GRM7: variants seen among roughly 807,000 people sequenced by gnomAD.
GRM7 encodes the protein glutamate metabotropic receptor 7.
In GRM7, 35 loss-of-function variants were observed where a neutral mutation model predicts 84.5. The observed-to-expected ratio is 0.41, with a 90% CI of 0.32 to 0.55. GRM7 has a LOEUF of 0.55. GRM7 is among the 20% of genes least tolerant of loss of function. The pLI is 0.19. For synonymous variants in GRM7, 487 were observed against 455.1 expected, an observed-to-expected ratio of 1.07 and a Z score of -0.89; for missense variants, 1,003 against 1,194.6, an observed-to-expected ratio of 0.84 and a Z score of 2.36.
chr3:7,575,460 T>C (rs1232697033), intron 7 of GRM7, among the ~76,000 whole-genome samples: 1 of 152,210 alleles, frequency 6.6e-6, no homozygotes. Flanking sequence ...TTAGATTTGA[T>C]TTTTCATAGC....
intron 2 of GRM7, among the ~76,000 whole-genome samples, chr3:7,214,648 G>A (rs773963143): frequency 3.0e-4 from 45 of 152,268 alleles, no homozygotes; most frequent in South Asian, 1.0e-3. Context: ...CTGAACAAAT[G>A]TTTGTTTTAT....
intron 8 of GRM7, among the ~76,000 whole-genome samples, chr3:7,664,974 ATATTATT>A (rs1272141821): frequency 6.6e-6 from 1 of 152,060 alleles, no homozygotes; most frequent in Non-Finnish European, 1.5e-5. Flanking sequence ...TTTAATTTGT[ATATTATT>A]TATTTTTCAT....
At chr3:7,184,975 CTGAG>C (rs1695465937) in intron 2 of GRM7, among the ~76,000 whole-genome samples, 1 of 152,060 alleles carries the variant, frequency 6.6e-6, no homozygotes, top group South Asian at 2.1e-4. Context: ...AGCCACCATG[CTGAG>C]TATTTTTACA....
At position 7,321,682 on chromosome 3, in the gene GRM7, C is replaced by G. The variant is rs936985040; in HGVS notation, c.1033+15030C>G. ...CACTCTGACACTGATATTTGGAGCA[C>G]TAATTTATTCTAACCTCAGGGAATT... On this transcript the variant is annotated intron_variant, in intron 4 of 9. Transcript: ENST00000357716. Among the ~76,000 whole-genome samples the G allele has an allele frequency of 2.0e-5, 3 of 151,614 alleles. No homozygotes were observed. In the South Asian group the frequency reaches 6.2e-4, roughly 31 times the overall value.
At chr3:6,950,597 A>T (rs1338579146) in intron 1 of GRM7, among the ~76,000 whole-genome samples, 1 of 152,214 alleles carries the variant, frequency 6.6e-6, no homozygotes, top group East Asian at 1.9e-4. Context: ...AGACAGGGAC[A>T]TTTAAGTCTG....
At chr3:6,956,205 G>A (rs1478111330) in intron 1 of GRM7, among the ~76,000 whole-genome samples, 5 of 152,178 alleles carry the variant, frequency 3.3e-5, no homozygotes, top group African/African-American at 1.2e-4. Flanking sequence ...GAGTTTTGCC[G>A]TATGGGCCAA....
At chr3:7,344,571 A>G (rs1234039837) in intron 4 of GRM7, among the ~76,000 whole-genome samples, 1 of 152,316 alleles carries the variant, frequency 6.6e-6, no homozygotes, top group African/African-American at 2.4e-5. Flanking sequence ...GCCTATGCAG[A>G]TAATTTGCCC....
chr3:7,674,819 G>A (rs938197657), intron 8 of GRM7, among the ~76,000 whole-genome samples: 4 of 152,142 alleles, frequency 2.6e-5, no homozygotes, highest in Non-Finnish European at 5.9e-5. Context: ...TAAAAATGGC[G>A]AACTTAGTGT....
chr3:7,425,170 A>G (rs1457605255), intron 5 of GRM7, among the ~76,000 whole-genome samples: 3 of 152,186 alleles, frequency 2.0e-5, no homozygotes, highest in Non-Finnish European at 2.9e-5. Context: ...TCGTAGTAGA[A>G]CATGTTTGAT....
At chr3:7,585,140 G>T (rs1695462061) in intron 8 of GRM7, among the ~76,000 whole-genome samples, 1 of 152,196 alleles carries the variant, frequency 6.6e-6, no homozygotes, top group Non-Finnish European at 1.5e-5. Context: ...GATGCCATTT[G>T]TGCACTCATG....
At chr3:7,505,838 A>T (rs949397641) in intron 7 of GRM7, among the ~76,000 whole-genome samples, 1 of 152,066 alleles carries the variant, frequency 6.6e-6, no homozygotes, top group African/African-American at 2.4e-5. Context: ...AGCCTCAAAG[A>T]TCTCTAAAAT....
At position 7,409,576 on chromosome 3, in the gene GRM7, TTGTTTTG is replaced by T. The variant is rs1278503966; in HGVS notation, c.1034-5445_1034-5439del. 1.3e-3 allele frequency among the ~76,000 whole-genome samples: 13 copies of T among 10,214 alleles called. No homozygotes were observed. In the South Asian group the frequency reaches 0.021, roughly 16 times the overall value. The allele number at this position is 10,214 out of a possible 152,430, so 6.7% of individuals were successfully genotyped here. A position where few individuals can be genotyped will look rare whatever the true frequency, so the allele number is the denominator to read the frequency against. Reference sequence around the variant, plus strand: ...CTTTCCCAACTTCTCTGTTTTGTGTTTGTTTTGTTTTGTTTTGTTTTGTTTTGTTTTG... The same window carrying T: ...CTTTCCCAACTTCTCTGTTTTGTGTTTTTTGTTTTGTTTTGTTTTGTTTTG... On this transcript the variant is annotated intron_variant, in intron 4 of 9. Transcript: ENST00000357716.
At chr3:7,408,688 A>G (rs1046978032) in intron 4 of GRM7, among the ~76,000 whole-genome samples, 1 of 152,192 alleles carries the variant, frequency 6.6e-6, no homozygotes, top group South Asian at 2.1e-4. Context: ...CACCTGTAAC[A>G]CTGCGCAAAT....
At chr3:6,872,647 T>A (rs1051534491) in intron 1 of GRM7, among the ~76,000 whole-genome samples, 4 of 151,944 alleles carry the variant, frequency 2.6e-5, no homozygotes, top group Non-Finnish European at 4.4e-5. Context: ...CGGTGTGTGA[T>A]GTTCCCCTCC....
At chr3:7,414,353 A>C (rs1480172323) in intron 4 of GRM7, among the ~76,000 whole-genome samples, 1 of 152,126 alleles carries the variant, frequency 6.6e-6, no homozygotes, top group Non-Finnish European at 1.5e-5. Flanking sequence ...TTAAGTATGT[A>C]CCTGCTCATG....
chr3:7,208,201 C>G (rs1459021260), intron 2 of GRM7, among the ~76,000 whole-genome samples: 1 of 152,176 alleles, frequency 6.6e-6, no homozygotes, highest in Non-Finnish European at 1.5e-5. Flanking sequence ...TTCATTCACT[C>G]ATTTATTTTT....
Position 7,396,089 on chromosome 3 carries a change from C to T in GRM7, c.1034-18934C>T, listed in dbSNP as rs747486744. On this transcript the variant is annotated intron_variant, in intron 4 of 9. Coordinates refer to ENST00000357716, the MANE Select transcript of GRM7 (RefSeq NM_000844.4). ...TTAAAACCAATATTTTATATTCTCT[C>T]TTAATTCATGATTTTTATCTCTGAG... Among the ~76,000 whole-genome samples the T allele has an allele frequency of 3.3e-5, 5 of 152,020 alleles. No individual in the cohort carries two copies. In the East Asian group the frequency reaches 9.7e-4, roughly 29 times the overall value.
chr3:7,229,951 T>G (rs1336118642), intron 2 of GRM7, among the ~76,000 whole-genome samples: 1 of 146,340 alleles, frequency 6.8e-6, no homozygotes, highest in Non-Finnish European at 1.5e-5. Context: ...GCCATTCTCC[T>G]GCCTCAGCCT....
chr3:7,312,263 T>C (rs1700425300), intron 4 of GRM7, among the ~76,000 whole-genome samples: 1 of 152,110 alleles, frequency 6.6e-6, no homozygotes, highest in South Asian at 2.1e-4. Context: ...ATGCGGTGTC[T>C]TGGCAGCAAT....
Sources: allele counts gnomAD v4.1 joint callset (sites outside exome capture counted in the v4.1 genomes callset), GRCh38; gene constraint gnomAD v4.1.1; transcripts MANE v1.5; gene names NCBI Gene and HGNC (gene_info 2026-07-23, HGNC 2026-07-21).